Variants in FGF12 observed in about 807,000 individuals in gnomAD.
FGF12 encodes fibroblast growth factor 12B.
FGF12 carries 14 observed loss-of-function variants against 23.6 expected under a neutral mutation model. The ratio of observed to expected loss-of-function variants is 0.59; its 90% CI spans 0.39 to 0.93. The LOEUF is 0.93. Ranked by LOEUF, FGF12 falls within the 40% of genes least tolerant of loss-of-function variation. FGF12 has a pLI of 0.00. For synonymous variants in FGF12, 62 were observed against 77.3 expected, an observed-to-expected ratio of 0.80 and a Z score of 1.04; for missense variants, 175 against 217.8, an observed-to-expected ratio of 0.80 and a Z score of 1.24.
At chr3:192,561,976 G>A (rs116015609) in intron 2 of FGF12, among the ~76,000 whole-genome samples, 1 of 151,370 alleles carries the variant, frequency 6.6e-6, no homozygotes, top group Non-Finnish European at 1.5e-5. Context: ...CTTTATTCAA[G>A]TTAGTAAAAA....
intron 2 of FGF12, among the ~76,000 whole-genome samples, chr3:192,607,846 T>TAAAAAAAAAAAAA (rs36061162): frequency 8.2e-6 from 1 of 122,078 alleles, no homozygotes; most frequent in Non-Finnish European, 1.7e-5. Context: ...CACTGAAAAT[T>TAAAAAAAAAAAAA]AAAAAAAAAA....
intron 3 of FGF12, among the ~76,000 whole-genome samples, chr3:192,346,785 T>G (rs1717985679): frequency 4.6e-5 from 7 of 151,888 alleles, no homozygotes; most frequent in Admixed American, 4.6e-4. Flanking sequence ...TAGTGATGTC[T>G]GCAGTGAACA....
chr3:192,509,715 G>A (rs1007928634), intron 2 of FGF12, among the ~76,000 whole-genome samples: 11 of 152,080 alleles, frequency 7.2e-5, no homozygotes, highest in African/African-American at 2.7e-4. Context: ...AACTAGAATG[G>A]TAATAACAAA....
intron 4 of FGF12, among the ~76,000 whole-genome samples, chr3:192,174,308 G>A (rs1049166524): frequency 1.3e-5 from 2 of 152,180 alleles, no homozygotes; most frequent in Non-Finnish European, 1.5e-5. Flanking sequence ...GCCAGGAACC[G>A]CATTAGGTAG....
At chr3:192,237,599 T>G (rs1233059697) in intron 4 of FGF12, among the ~76,000 whole-genome samples, 1 of 152,166 alleles carries the variant, frequency 6.6e-6, no homozygotes, top group African/African-American at 2.4e-5. Context: ...TTCTGAGACT[T>G]TTTTCCCTCA....
intron 2 of FGF12, among the ~76,000 whole-genome samples, chr3:192,528,992 C>A (rs1049969006): frequency 1.5e-4 from 23 of 152,308 alleles, no homozygotes; most frequent in African/African-American, 5.1e-4. Context: ...CTGACATTCC[C>A]TGGAGACATT....
chr3:192,490,763 AC>A (rs1332303767), intron 2 of FGF12, among the ~76,000 whole-genome samples: 2 of 152,142 alleles, frequency 1.3e-5, no homozygotes, highest in Non-Finnish European at 2.9e-5. Flanking sequence ...CAAACATAAC[AC>A]AAAGCAAAGC....
chr3:192,701,727 CATATT>C (rs1213808841), intron 2 of FGF12, among the ~76,000 whole-genome samples: 1 of 151,994 alleles, frequency 6.6e-6, no homozygotes, highest in Non-Finnish European at 1.5e-5. Context: ...TGAAAAAAGG[CATATT>C]ATATTCATTA....
chr3:192,180,558 A>G (rs2108632719), intron 4 of FGF12, among the ~76,000 whole-genome samples: 1 of 152,298 alleles, frequency 6.6e-6, no homozygotes, highest in Non-Finnish European at 1.5e-5. Flanking sequence ...GAAAGTAGGG[A>G]TGTTGTCAAA....
At chr3:192,224,491 T>C (rs1718630312) in intron 4 of FGF12, among the ~76,000 whole-genome samples, 1 of 152,148 alleles carries the variant, frequency 6.6e-6, no homozygotes, top group African/African-American at 2.4e-5. Flanking sequence ...TCTGCCATTT[T>C]ATTATAGAAA....
At chr3:192,634,660 T>C (rs938098419) in intron 2 of FGF12, among the ~76,000 whole-genome samples, 1 of 152,124 alleles carries the variant, frequency 6.6e-6, no homozygotes, top group Non-Finnish European at 1.5e-5. Context: ...TACTGCAGTA[T>C]ACTTTGTTCC....
intron 2 of FGF12, among the ~76,000 whole-genome samples, chr3:192,630,890 G>A (rs756451033): frequency 2.0e-5 from 3 of 151,508 alleles, no homozygotes; most frequent in Non-Finnish European, 4.4e-5. Flanking sequence ...ACTATATTAT[G>A]GCCTAGTCTG....
chr3:192,485,636 T>C (rs1275696484), intron 2 of FGF12, among the ~76,000 whole-genome samples: 1 of 152,140 alleles, frequency 6.6e-6, no homozygotes, highest in Non-Finnish European at 1.5e-5. Context: ...GTGATATCAT[T>C]ACATTTAGCA....
intron 4 of FGF12, among the ~76,000 whole-genome samples, chr3:192,289,791 TTC>T (rs1478371659): frequency 6.6e-6 from 1 of 152,184 alleles, no homozygotes; most frequent in African/African-American, 2.4e-5. Flanking sequence ...TAAATGCCAG[TTC>T]TCTCTTTATC....
At chr3:192,422,507 C>T (rs1021917876) in intron 2 of FGF12, among the ~76,000 whole-genome samples, 9 of 152,138 alleles carry the variant, frequency 5.9e-5, no homozygotes, top group African/African-American at 2.2e-4. Flanking sequence ...GCTAGATTCC[C>T]TCAGTCCCCA....
chr3:192,556,219 T>A (rs1711767653), intron 2 of FGF12, among the ~76,000 whole-genome samples: 1 of 152,132 alleles, frequency 6.6e-6, no homozygotes, highest in South Asian at 2.1e-4. Context: ...TCAAAAGACA[T>A]TGAGTGGCTG....
chr3:192,642,508 T>A (rs555987879), intron 2 of FGF12, among the ~76,000 whole-genome samples: 107 of 152,210 alleles, frequency 7.0e-4, no homozygotes, highest in Non-Finnish European at 9.3e-4. Context: ...GGAAACATAA[T>A]CAGGAATAAC....
intron 2 of FGF12, among the ~76,000 whole-genome samples, chr3:192,382,159 G>C (rs1443962112): frequency 6.6e-6 from 1 of 152,030 alleles, no homozygotes; most frequent in Admixed American, 6.5e-5. Flanking sequence ...AACACGCCCA[G>C]CTAATTTTTT....
chr3:192,595,524 T>G (rs1713805518), intron 2 of FGF12, among the ~76,000 whole-genome samples: 2 of 152,192 alleles, frequency 1.3e-5, no homozygotes, highest in African/African-American at 4.8e-5. Context: ...CTCTTGAACA[T>G]GTATGAAAAT....
Sources: allele counts gnomAD v4.1 joint callset (sites outside exome capture counted in the v4.1 genomes callset), GRCh38; gene constraint gnomAD v4.1.1; transcripts MANE v1.5; gene names NCBI Gene and HGNC (gene_info 2026-07-23, HGNC 2026-07-21).